The following ARHGEF10L variants were observed in gnomAD, a reference collection of about 807,000 sequenced individuals.
The protein encoded by ARHGEF10L is rho guanine nucleotide exchange factor 10-like protein.
In ARHGEF10L, 69 loss-of-function variants were observed where a neutral mutation model predicts 141.2. The ratio of observed to expected loss-of-function variants is 0.49; its 90% confidence interval spans 0.40 to 0.60. The LOEUF is 0.60. Ranked by LOEUF, ARHGEF10L falls within the 20% of genes least tolerant of loss-of-function variation. The probability of loss-of-function intolerance (pLI) is 0.00; values close to 1 mark genes in which losing one functional copy is unlikely to be tolerated. For missense variants in ARHGEF10L, 1,482 were observed against 1,734.3 expected (o/e 0.85, Z 2.58); for synonymous variants, 711 against 718.5 (o/e 0.99, Z 0.17).
intron 2 of ARHGEF10L, among the ~76,000 whole-genome samples, chr1:17,581,908 A>G (rs1417893970): frequency 6.6e-6 from 1 of 151,912 alleles, no homozygotes; most frequent in East Asian, 1.9e-4. Context: ...GCAGCACAGC[A>G]GACCTGTCTT....
At position 17,695,289 on chromosome 1, in the gene ARHGEF10L, T is replaced by C. The variant is rs1388242343; in HGVS notation, c.3307+9T>C. 1.3e-6 allele frequency: 2 copies of C among 1,567,650 alleles called. No individual in the cohort carries two copies. Among genetic ancestry groups the C allele is most frequent in the Non-Finnish European group, 1.7e-6 (2 of 1,159,248 alleles). ...CATCCCCAAGATCACAGGTGAGGCT[T>C]TGGGAGCTGGTGTTGGCAGGACCAG... On this transcript the variant is annotated intron_variant, in intron 28 of 28. Transcript: ENST00000361221.
chr1:17,532,356 C>T, the ARHGEF10L span, among the ~76,000 whole-genome samples: 1 of 152,170 alleles, frequency 6.6e-6, no homozygotes, highest in Non-Finnish European at 1.5e-5. Context: ...TTTCTGGCTC[C>T]TTGGCCAGGC....
chr1:17,663,270 G>T (rs12067869), intron 25 of ARHGEF10L, among the ~76,000 whole-genome samples: 26,124 of 152,084 alleles, frequency 0.17, 2,323 homozygotes, highest in East Asian at 0.18. Flanking sequence ...ACATCCTCTG[G>T]ATCAGGCACG....
At chr1:17,568,480 G>A (rs1163980369) in intron 1 of ARHGEF10L, among the ~76,000 whole-genome samples, 1 of 152,160 alleles carries the variant, frequency 6.6e-6, no homozygotes, top group Admixed American at 6.5e-5. Context: ...ATGGCAAAAA[G>A]GGGAACCTGG....
rs533166042 is a variant in ARHGEF10L at position 17,563,772 on chromosome 1, T to A, written c.-43-16781T>A. Among the ~76,000 whole-genome samples the A allele has an allele frequency of 6.6e-5, 10 of 152,274 alleles. No individual in the cohort carries two copies. The South Asian group carries it at 1.9e-3, about 28-fold the overall frequency. ...TGGAGCTGGGATTTGGAGTCCCCAC[T>A]GTCTGACTCCAGAGCCGGTGCACAG... On this transcript the variant is annotated intron_variant, in intron 1 of 28. Transcript: ENST00000361221.
At chr1:17,670,696 C>T (rs530545981) in intron 26 of ARHGEF10L, among the ~76,000 whole-genome samples, 174 of 152,344 alleles carry the variant, frequency 1.1e-3, no homozygotes, top group African/African-American at 3.7e-3. Flanking sequence ...GTTGGGGACC[C>T]GGCTGGGCTA....
Position 17,640,377 on chromosome 1 carries a change from C to A in ARHGEF10L, c.2272+75C>A, listed in dbSNP as rs2061262460. 1.9e-5 allele frequency: 25 copies of A among 1,335,150 alleles called. No homozygotes were observed. The South Asian group carries it at 2.9e-4, about 16-fold the overall frequency. 82.7% of individuals were successfully genotyped at this position (1,335,150 alleles called of 1,614,324 possible). On this transcript the variant is annotated intron_variant, in intron 21 of 28. Transcript: ENST00000361221. Reference sequence around the variant, plus strand: ...GGGAGGTTTGGGGTGAGTGAGGGTACAGGATGGGTGTTCGGGGTCAGCGGG... The same window carrying A: ...GGGAGGTTTGGGGTGAGTGAGGGTAAAGGATGGGTGTTCGGGGTCAGCGGG...
chr1:17,551,578 G>C (rs1465919691), intron 1 of ARHGEF10L, among the ~76,000 whole-genome samples: 1 of 152,148 alleles, frequency 6.6e-6, no homozygotes, highest in East Asian at 1.9e-4. Flanking sequence ...CAAGCTAGGG[G>C]ATGACGGGAT....
At chr1:17,634,150 G>A (rs368379993) in intron 16 of ARHGEF10L, 13 of 268,144 alleles carry the variant, frequency 4.8e-5, no homozygotes, top group African/African-American at 4.6e-5. Flanking sequence ...CTTCAGTCCC[G>A]TTTATATCCT....
chr1:17,516,540 C>T, the ARHGEF10L span, among the ~76,000 whole-genome samples: 2 of 152,320 alleles, frequency 1.3e-5, no homozygotes, highest in South Asian at 4.1e-4. Context: ...ACCTCTGCTG[C>T]TGCTGCTGCC....
intron 25 of ARHGEF10L, 62 bp from the exon 26 acceptor site, chr1:17,664,385 C>T (rs2062837083): frequency 8.4e-6 from 13 of 1,550,836 alleles, no homozygotes; most frequent in South Asian, 4.8e-5. Context: ...TGCTGGCCTG[C>T]GTTCCCAGGA....
At chr1:17,632,806 G>A (rs890595067) in intron 16 of ARHGEF10L, among the ~76,000 whole-genome samples, 9 of 152,306 alleles carry the variant, frequency 5.9e-5, no homozygotes, top group South Asian at 4.2e-4. Flanking sequence ...AGATCCCTGC[G>A]GCTTTAACTC....
At position 17,640,113 on chromosome 1, in the gene ARHGEF10L, G is replaced by A. The variant is rs193286039; in HGVS notation, c.2172-89G>A. Reference sequence around the variant, plus strand: ...CAGACCTCCTTGATCTCCAGGGCGCGTGGGTTGGAGGAAGTACTACGTGAC... The same window carrying A: ...CAGACCTCCTTGATCTCCAGGGCGCATGGGTTGGAGGAAGTACTACGTGAC... On this transcript the variant is annotated intron_variant, in intron 20 of 28. Transcript: ENST00000361221. 180 of 1,517,596 alleles carry A rather than the reference G, an allele frequency of 1.2e-4. No individual in the cohort carries two copies. In the African/African-American group the frequency reaches 1.7e-3, roughly 14 times the overall value. 94.0% of individuals were successfully genotyped at this position (1,517,596 alleles called of 1,614,324 possible).
intron 19 of ARHGEF10L, among the ~76,000 whole-genome samples, chr1:17,638,327 G>A (rs2061135812): frequency 1.3e-5 from 2 of 152,224 alleles, no homozygotes; most frequent in East Asian, 3.9e-4. Context: ...GAAGCTGGCT[G>A]CGACGGCATG....
chr1:17,610,952 T>G (rs75486949), intron 7 of ARHGEF10L, among the ~76,000 whole-genome samples: 15,531 of 132,768 alleles, frequency 0.12, 940 homozygotes, highest in Non-Finnish European at 0.13. Context: ...GGATCTGTGG[T>G]TTTTTTTTTT....
intron 1 of ARHGEF10L, among the ~76,000 whole-genome samples, chr1:17,555,357 T>C (rs2077266948): frequency 6.6e-6 from 1 of 151,914 alleles, no homozygotes; most frequent in Non-Finnish European, 1.5e-5. Flanking sequence ...TTGTCAGGAC[T>C]GTTTAAACTA....
At chr1:17,589,886 G>A (rs780378012) in intron 4 of ARHGEF10L, among the ~76,000 whole-genome samples, 1 of 152,118 alleles carries the variant, frequency 6.6e-6, no homozygotes, top group Non-Finnish European at 1.5e-5. Context: ...CTGGAGGGGA[G>A]CAAGGATGGG....
At chr1:17,560,446 C>A (rs1412409843) in intron 1 of ARHGEF10L, among the ~76,000 whole-genome samples, 1 of 152,216 alleles carries the variant, frequency 6.6e-6, no homozygotes, top group Non-Finnish European at 1.5e-5. Flanking sequence ...TCAAATGCCC[C>A]TTTTGTGAAG....
chr1:17,599,133 C>T (rs1320924907), intron 4 of ARHGEF10L, among the ~76,000 whole-genome samples: 2 of 151,952 alleles, frequency 1.3e-5, no homozygotes, highest in Admixed American at 6.6e-5. Context: ...GTCAGGAGTT[C>T]GAGACCAGCC....
Sources: allele counts gnomAD v4.1 joint callset (sites outside exome capture counted in the v4.1 genomes callset), GRCh38; gene constraint gnomAD v4.1.1; transcripts MANE v1.5; gene names NCBI Gene and HGNC (gene_info 2026-07-23, HGNC 2026-07-21).